The following WDR7 variants were observed in gnomAD, a reference collection of about 807,000 sequenced individuals.
The protein encoded by WDR7 is WD repeat domain 7, also known as WD repeat-containing protein 7.
Under a neutral mutation model 169.4 loss-of-function variants are expected in WDR7, and 46 were observed. That is an observed-to-expected ratio of 0.27 (90% CI 0.21 to 0.35). The LOEUF is 0.35. Ranked by LOEUF, WDR7 falls within the 10% of genes least tolerant of loss-of-function variation. The pLI, the probability that WDR7 is intolerant of heterozygous loss-of-function variation, is 1.00. For missense variants in WDR7, 1,534 were observed against 1,859.3 expected, an observed-to-expected ratio of 0.83 and a Z score of 3.22; for synonymous variants, 612 against 666.8, an observed-to-expected ratio of 0.92 and a Z score of 1.27.
At position 56,867,882 on chromosome 18, in the gene WDR7, TTAAC is replaced by T. The variant is rs1234544628; in HGVS notation, c.3305-12059_3305-12056del. Among the ~76,000 whole-genome samples, 4 of 152,256 alleles carry T rather than the reference TTAAC, an allele frequency of 2.6e-5. No homozygotes were observed. In the East Asian group the frequency reaches 7.7e-4, roughly 29 times the overall value. On this transcript the variant is annotated intron_variant, in intron 20 of 27. Coordinates refer to ENST00000254442, the MANE Select transcript of WDR7 (RefSeq NM_015285.3). ...ACTCAGAGCCAAATTCGAAATGAAA[TTAAC>T]TAGATAATAGGAAATCCTATAAAGT...
intron 1 of WDR7, among the ~76,000 whole-genome samples, 151 bp from the exon 2 acceptor site, chr18:56,672,346 T>G (rs974758019): frequency 1.3e-5 from 2 of 150,452 alleles, no homozygotes; most frequent in Non-Finnish European, 3.0e-5. Flanking sequence ...AAACTAGTCG[T>G]TTTTTTTTGA....
chr18:56,995,146 A>C (rs2047881082), intron 26 of WDR7, among the ~76,000 whole-genome samples: 1 of 152,196 alleles, frequency 6.6e-6, no homozygotes, highest in South Asian at 2.1e-4. Context: ...GAAAGGGGTT[A>C]CTGGTGTGCT....
At chr18:57,022,736 G>T (rs2048309051) in intron 27 of WDR7, among the ~76,000 whole-genome samples, 1 of 152,064 alleles carries the variant, frequency 6.6e-6, no homozygotes, top group Non-Finnish European at 1.5e-5. Context: ...GTCACTGATG[G>T]GATTATGGGT....
intron 21 of WDR7, among the ~76,000 whole-genome samples, chr18:56,908,078 G>T (rs2046504185): frequency 6.6e-6 from 1 of 152,112 alleles, no homozygotes; most frequent in African/African-American, 2.4e-5. Context: ...TGTATAGTTA[G>T]ATTCTCTCCA....
intron 25 of WDR7, among the ~76,000 whole-genome samples, chr18:56,961,281 A>AT (rs2047335812): frequency 6.6e-6 from 1 of 152,026 alleles, no homozygotes. Context: ...ATGCCCTGGT[A>AT]TATCTACCTC....
chr18:57,010,941 G>A (rs761881615), intron 26 of WDR7, among the ~76,000 whole-genome samples: 25 of 152,052 alleles, frequency 1.6e-4, no homozygotes, highest in Non-Finnish European at 3.1e-4. Context: ...TGATTACAGC[G>A]TTTTTAAGTT....
At chr18:56,705,435 C>G (rs1303065118) in intron 12 of WDR7, among the ~76,000 whole-genome samples, 1 of 151,828 alleles carries the variant, frequency 6.6e-6, no homozygotes, top group East Asian at 1.9e-4. Context: ...AGGAAGTCTA[C>G]TTTGGGTGAT....
chr18:56,718,953 G>T (rs1377192269), intron 13 of WDR7, among the ~76,000 whole-genome samples: 26 of 152,198 alleles, frequency 1.7e-4, no homozygotes, highest in Non-Finnish European at 2.2e-4. Context: ...GCGAACGGGA[G>T]TTCTCTTAAG....
intron 26 of WDR7, among the ~76,000 whole-genome samples, chr18:57,000,656 C>T (rs1271880953): frequency 6.6e-6 from 1 of 152,120 alleles, no homozygotes; most frequent in Non-Finnish European, 1.5e-5. Flanking sequence ...TTTAAAACTG[C>T]AGTGATGCAC....
intron 21 of WDR7, among the ~76,000 whole-genome samples, chr18:56,912,109 G>T (rs2145603342): frequency 6.6e-6 from 1 of 152,288 alleles, no homozygotes; most frequent in Non-Finnish European, 1.5e-5. Flanking sequence ...AAAGGGTGAA[G>T]ATGCATTCCT....
At chr18:57,024,679 ATAG>A (rs1349208262) in intron 27 of WDR7, among the ~76,000 whole-genome samples, 6 of 143,270 alleles carry the variant, frequency 4.2e-5, no homozygotes, top group Admixed American at 6.8e-5. Flanking sequence ...TCAGACAGGA[ATAG>A]GGATATGTGA....
chr18:56,849,993 AT>A (rs975182370), intron 20 of WDR7, among the ~76,000 whole-genome samples: 1 of 152,034 alleles, frequency 6.6e-6, no homozygotes, highest in African/African-American at 2.4e-5. Context: ...ACACAGACAC[AT>A]TTGCCTTTTT....
intron 19 of WDR7, among the ~76,000 whole-genome samples, chr18:56,806,816 G>A (rs998181420): frequency 2.0e-5 from 3 of 152,034 alleles, no homozygotes; most frequent in African/African-American, 7.3e-5. Context: ...TGAGTGTTTA[G>A]TATAATGAGG....
At chr18:56,804,340 C>T (rs1264553472) in intron 19 of WDR7, among the ~76,000 whole-genome samples, 1 of 152,074 alleles carries the variant, frequency 6.6e-6, no homozygotes, top group Non-Finnish European at 1.5e-5. Context: ...AAGTCTAAAA[C>T]CCTGAGAATC....
intron 21 of WDR7, among the ~76,000 whole-genome samples, chr18:56,910,763 TTGTC>T (rs750627234): frequency 2.6e-5 from 4 of 152,212 alleles, no homozygotes; most frequent in African/African-American, 2.4e-5. Context: ...AGATTTTTAA[TTGTC>T]TGTGATTTCA....
chr18:56,894,375 CT>C (rs2145538936), intron 21 of WDR7, among the ~76,000 whole-genome samples: 1 of 152,138 alleles, frequency 6.6e-6, no homozygotes, highest in East Asian at 1.9e-4. Context: ...TACTTTTCAC[CT>C]TGCTTACTCC....
At chr18:56,700,879 C>A (rs1465531672) in intron 12 of WDR7, among the ~76,000 whole-genome samples, 1 of 152,090 alleles carries the variant, frequency 6.6e-6, no homozygotes, top group Non-Finnish European at 1.5e-5. Flanking sequence ...AGCAAAAGTT[C>A]ATTTAGGAAA....
intron 14 of WDR7, among the ~76,000 whole-genome samples, chr18:56,749,774 C>T (rs948831170): frequency 1.3e-5 from 2 of 151,690 alleles, no homozygotes; most frequent in African/African-American, 2.4e-5. Flanking sequence ...CATTGTTTTA[C>T]GTTTCTCTTT....
chr18:56,701,726 T>G (rs1455549731), intron 12 of WDR7, among the ~76,000 whole-genome samples: 1 of 152,208 alleles, frequency 6.6e-6, no homozygotes, highest in African/African-American at 2.4e-5. Flanking sequence ...TTTACTATGG[T>G]ACCTTAAAAT....
Sources: allele counts gnomAD v4.1 joint callset (sites outside exome capture counted in the v4.1 genomes callset), GRCh38; gene constraint gnomAD v4.1.1; transcripts MANE v1.5; gene names NCBI Gene and HGNC (gene_info 2026-07-23, HGNC 2026-07-21).